Variants in ASB17 observed in about 807,000 individuals in gnomAD.
The protein encoded by ASB17 is ankyrin repeat and SOCS box containing 17.
Under a neutral mutation model 25.7 loss-of-function variants are expected in ASB17, and 26 were observed. The observed-to-expected ratio is 1.01, with a 90% CI of 0.74 to 1.40. The LOEUF (loss-of-function observed/expected upper bound fraction) is 1.40. Among genes scored for constraint, ASB17 ranks in the 40% most tolerant of loss-of-function variants. ASB17 has a pLI of 0.00. For synonymous variants in ASB17, 128 were observed against 121.4 expected, an observed-to-expected ratio of 1.05 and a Z score of -0.36; for missense variants, 326 against 338.5, an observed-to-expected ratio of 0.96 and a Z score of 0.29.
rs775490158 is a variant in ASB17 at position 75,932,090 on chromosome 1, T to C, written c.202A>G (p.Thr68Ala). 6.2e-7 allele frequency: 1 copy of C among 1,613,960 alleles called. No homozygotes were observed. Among genetic ancestry groups the C allele is most frequent in the African/African-American group, 1.3e-5 (1 of 74,924 alleles). The change falls in exon 1 of 3, where the codon ACA becomes GCA. Residue 68 changes from threonine to alanine, a missense_variant. Thr to Ala is a moderately conservative substitution (Grantham distance 58, BLOSUM62 0). Coordinates refer to ENST00000284142, the MANE Select transcript of ASB17 (RefSeq NM_080868.3). ...TTTTCCACAAATGCAATGTAATCTG[T>C]GAGTAGTGCGTCAAAACCATCCAAG... is the stretch of plus-strand genomic sequence containing the variant. ...VDLDGFDALL[T>A]DYIAFVEKSG...
intron 1 of ASB17, 112 bp from the exon 2 acceptor site, chr1:75,922,471 T>C: frequency 3.3e-6 from 2 of 606,988 alleles, no homozygotes; most frequent in South Asian, 7.7e-5. Flanking sequence ...ATGTCTTAAA[T>C]GTAACTTTAT....
At chr1:75,920,974 C>T (rs1222290505) in intron 2 of ASB17, among the ~76,000 whole-genome samples, 1 of 152,070 alleles carries the variant, frequency 6.6e-6, no homozygotes, top group Non-Finnish European at 1.5e-5. Context: ...CGGGGTTTCA[C>T]CTTGTTAGCC....
chr1:75,931,134 A>G (rs1009575476), intron 1 of ASB17, among the ~76,000 whole-genome samples: 5 of 152,256 alleles, frequency 3.3e-5, no homozygotes, highest in African/African-American at 1.2e-4. Flanking sequence ...TATTGCACCT[A>G]GTACAGACTT....
chr1:75,922,480 ATATG>A, intron 1 of ASB17, 121 bp from the exon 2 acceptor site: 1 of 305,626 alleles, frequency 3.3e-6, no homozygotes, highest in Non-Finnish European at 5.3e-6. Flanking sequence ...ATGTAACTTT[ATATG>A]TTTCTTTTTT....
Position 75,922,488 on chromosome 1 carries a change from CTTTTTTTTTTTTTTT to C in ASB17, c.402-144_402-130del. ...GTCTTAAATGTAACTTTATATGTTTCTTTTTTTTTTTTTTTTTTTTTTTTTGAGATGGAGTTTCCC... is the reference window on the plus strand; with the variant it reads ...GTCTTAAATGTAACTTTATATGTTTCTTTTTTTTTTGAGATGGAGTTTCCC... On this transcript the variant is annotated intron_variant, in intron 1 of 2. Transcript: ENST00000284142. 1.7e-5 allele frequency: 2 copies of C among 118,468 alleles called. 1 individual carries two copies. The highest frequency in any genetic ancestry group is 0.011 in the Middle Eastern group (2 of 188). The allele number at this position is 118,468 out of a possible 1,614,324, so 7.3% of individuals were successfully genotyped here.
intron 2 of ASB17, among the ~76,000 whole-genome samples, chr1:75,919,840 T>TA (rs1292819559): frequency 6.6e-6 from 1 of 152,208 alleles, no homozygotes; most frequent in African/African-American, 2.4e-5. Context: ...AGTGCTGCAA[T>TA]AAACATATGT....
At chr1:75,925,843 A>T (rs1175715637) in intron 1 of ASB17, among the ~76,000 whole-genome samples, 1 of 152,130 alleles carries the variant, frequency 6.6e-6, no homozygotes, top group East Asian at 1.9e-4. Flanking sequence ...CTTCTCCAGA[A>T]TAATTTTACA....
At chr1:75,919,264 T>A in intron 2 of ASB17, 106 bp from the exon 3 acceptor site, 1 of 816,714 alleles carries the variant, frequency 1.2e-6, no homozygotes, top group African/African-American at 1.7e-5. Flanking sequence ...GACCATAAAT[T>A]TATAAAACCC....
chr1:75,927,457 C>T (rs988592783), intron 1 of ASB17, among the ~76,000 whole-genome samples: 3 of 152,176 alleles, frequency 2.0e-5, no homozygotes, highest in African/African-American at 4.8e-5. Context: ...CTTTCTCCCA[C>T]TGCTACTGTT....
At chr1:75,924,474 G>A (rs542623820) in intron 1 of ASB17, among the ~76,000 whole-genome samples, 1 of 133,948 alleles carries the variant, frequency 7.5e-6, no homozygotes, top group East Asian at 3.7e-4. Context: ...TAGAAATCAA[G>A]ATGTAGTTTT....
At chr1:75,919,227 T>A (rs1652963431) in intron 2 of ASB17, 69 bp from the exon 3 acceptor site, 5 of 1,049,452 alleles carry the variant, frequency 4.8e-6, no homozygotes, top group Non-Finnish European at 4.0e-6. Context: ...TTATTAAAAC[T>A]TATTTTTAAT....
Position 75,919,120 on chromosome 1 carries a change from A to G in ASB17, c.720T>C (p.Asn240=), listed in dbSNP as rs748593031. The G allele has an allele frequency of 6.2e-7, 1 of 1,612,942 alleles. No individual in the cohort carries two copies. Among genetic ancestry groups the G allele is most frequent in the Admixed American group, 1.7e-5 (1 of 60,004 alleles). Residue 240 remains asparagine (N), a synonymous_variant, in exon 3 of 3, where the codon AAT becomes AAC. Coordinates refer to ENST00000284142, the MANE Select transcript of ASB17 (RefSeq NM_080868.3). ...LSLGRHPIIS[N]WFDYIPSTRY... ...TTGTTGAAGGAATGTAATCAAACCA[A>G]TTTGAAATAATTGGATGTCTTCCTA...
chr1:75,922,010 C>A lies in ASB17; in HGVS notation c.681+70G>T, dbSNP rs1043344142. 7 of 1,302,950 alleles carry A rather than the reference C, an allele frequency of 5.4e-6. No individual in the cohort carries two copies. The African/African-American group carries it at 1.0e-4, about 19-fold the overall frequency. 80.7% of individuals were successfully genotyped at this position (1,302,950 alleles called of 1,614,324 possible). On this transcript the variant is annotated intron_variant, in intron 2 of 2. Coordinates refer to ENST00000284142, the MANE Select transcript of ASB17 (RefSeq NM_080868.3). The stretch of plus-strand genomic sequence containing the variant: ...CTATAAATTAAAAATTAACTGTATT[C>A]TTTCCTTTACAGTTGAATCTTAAGA...
At chr1:75,927,118 AT>A (rs1412816697) in intron 1 of ASB17, among the ~76,000 whole-genome samples, 1 of 152,152 alleles carries the variant, frequency 6.6e-6, no homozygotes, top group Non-Finnish European at 1.5e-5. Context: ...CAGCCAAGGA[AT>A]GTAGATGGCC....
At chr1:75,919,204 G>T in intron 2 of ASB17, 46 bp from the exon 3 acceptor site, 1 of 1,305,542 alleles carries the variant, frequency 7.7e-7, no homozygotes, top group African/African-American at 1.5e-5. Flanking sequence ...TTTGTAATTT[G>T]GATTAGTCCA....
In ASB17 at chr1:75,932,025, G is replaced by A. The variant is rs1653333919; in HGVS notation, c.267C>T (p.Phe89=). ...YRFEVSFNLD[F]TEICVNTILY... ...GAATTGTATTCACACATATTTCAGT[G>A]AAGTCGAGGTTAAAACTTACTTCAA... Residue 89 remains phenylalanine (F), a synonymous_variant, in exon 1 of 3, where the codon TTC becomes TTT. Coordinates refer to ENST00000284142, the MANE Select transcript of ASB17 (RefSeq NM_080868.3). 6.2e-7 allele frequency: 1 copy of A among 1,614,112 alleles called. No individual in the cohort carries two copies. The highest frequency in any genetic ancestry group is 2.2e-5 in the East Asian group (1 of 44,868).
intron 1 of ASB17, among the ~76,000 whole-genome samples, chr1:75,931,082 C>T (rs899289855): frequency 6.6e-6 from 1 of 152,214 alleles, no homozygotes; most frequent in African/African-American, 2.4e-5. Context: ...TAGTCTTTAA[C>T]TGATCTTGTC....
chr1:75,925,552 A>G (rs971698558), intron 1 of ASB17, among the ~76,000 whole-genome samples: 1 of 152,256 alleles, frequency 6.6e-6, no homozygotes, highest in Non-Finnish European at 1.5e-5. Context: ...TTTAAAGAGT[A>G]TGTTACTGTA....
intron 1 of ASB17, among the ~76,000 whole-genome samples, chr1:75,930,465 G>C (rs1169929211): frequency 1.3e-5 from 2 of 151,524 alleles, no homozygotes; most frequent in African/African-American, 4.8e-5. Flanking sequence ...TGTTTAAGAA[G>C]AGACCAGTGA....
Sources: allele counts gnomAD v4.1 joint callset (sites outside exome capture counted in the v4.1 genomes callset), GRCh38; gene constraint gnomAD v4.1.1; transcripts MANE v1.5; gene names NCBI Gene and HGNC (gene_info 2026-07-23, HGNC 2026-07-21).